PRKD3: variants seen among roughly 807,000 people sequenced by gnomAD.
PRKD3 encodes the protein protein kinase D3, also known as serine/threonine-protein kinase D3.
PRKD3 carries 47 observed loss-of-function variants against 99.2 expected under a neutral mutation model. The observed-to-expected ratio is 0.47, with a 90% CI of 0.38 to 0.60. The LOEUF (loss-of-function observed/expected upper bound fraction) is 0.60. Ranked by LOEUF, PRKD3 falls within the 20% of genes least tolerant of loss-of-function variation. PRKD3 has a pLI of 0.00. For synonymous variants in PRKD3, 392 were observed against 355.4 expected (o/e 1.10, Z -1.16); for missense variants, 1,019 against 1,088.4 (o/e 0.94, Z 0.90).
chr2:37,253,399 G>A lies in PRKD3; in HGVS notation c.2500-49C>T, dbSNP rs780200662. 5 of 1,494,794 alleles carry A rather than the reference G, an allele frequency of 3.3e-6. No individual in the cohort carries two copies. The East Asian group carries it at 6.9e-5, about 21-fold the overall frequency. 92.6% of individuals were successfully genotyped at this position (1,494,794 alleles called of 1,614,324 possible). On this transcript the variant is annotated intron_variant, in intron 18 of 18. Transcript: ENST00000234179. ...GATGAAACAAAAGAAACAAAATACTGTCAACCTGGTTTTTGTTTTGTGTTT... is the reference window on the plus strand; with the variant it reads ...GATGAAACAAAAGAAACAAAATACTATCAACCTGGTTTTTGTTTTGTGTTT...
intron 5 of PRKD3, among the ~76,000 whole-genome samples, chr2:37,288,251 G>A (rs757538130): frequency 1.3e-5 from 2 of 152,152 alleles, no homozygotes; most frequent in Non-Finnish European, 2.9e-5. Context: ...TGTATAAGAT[G>A]CACTAACTTT....
Position 37,279,905 on chromosome 2 carries a change from G to T in PRKD3, c.1013C>A (p.Thr338Lys), listed in dbSNP as rs757838387. Reference protein sequence around the residue: ...NGEPSSLGTDTDIPMDIDNND... With the variant: ...NGEPSSLGTDKDIPMDIDNND... The stretch of plus-strand genomic sequence containing the variant: ...ATTGTCAATATCCATTGGTATATCT[G>T]TATCTGTTCCCAGACTGGAAGGTTC... Residue 338 changes from threonine (T) to lysine (K), a missense_variant, in exon 8 of 19, where the codon ACA becomes AAA. Physicochemically the swap from Thr to Lys is moderately conservative, Grantham distance 78. This residue lies in a region of PRKD3 where 710 missense variants were observed against 692.7 expected (regional missense o/e 1.02). Transcript: ENST00000234179. The T allele has an allele frequency of 6.2e-7, 1 of 1,608,686 alleles. No homozygotes were observed. Among genetic ancestry groups the T allele is most frequent in the Non-Finnish European group, 8.5e-7 (1 of 1,177,804 alleles).
chr2:37,310,212 C>T (rs1218434421), intron 2 of PRKD3, among the ~76,000 whole-genome samples: 3 of 152,172 alleles, frequency 2.0e-5, no homozygotes, highest in African/African-American at 4.8e-5. Flanking sequence ...AATAAATCTT[C>T]AACAGAGAGG....
At chr2:37,294,927 T>C (rs1670607407) in intron 2 of PRKD3, among the ~76,000 whole-genome samples, 1 of 152,044 alleles carries the variant, frequency 6.6e-6, no homozygotes, top group South Asian at 2.1e-4. Flanking sequence ...ATACAAAAAT[T>C]AGCCAGGTGT....
At chr2:37,291,029 G>A (rs760532216) in intron 3 of PRKD3, 30 bp from the exon 4 acceptor site, 3 of 1,570,044 alleles carry the variant, frequency 1.9e-6, no homozygotes, top group Non-Finnish European at 2.6e-6. Flanking sequence ...TACAATACAC[G>A]TTGTATTTGT....
At chr2:37,320,497 T>C (rs1307914783) in intron 1 of PRKD3, among the ~76,000 whole-genome samples, 2 of 141,554 alleles carry the variant, frequency 1.4e-5, no homozygotes, top group African/African-American at 5.3e-5. Flanking sequence ...AGTGGCGCGA[T>C]CTTGACTGAT....
chr2:37,267,118 A>G (rs985507683), intron 14 of PRKD3, among the ~76,000 whole-genome samples: 2 of 152,254 alleles, frequency 1.3e-5, no homozygotes, highest in Admixed American at 6.5e-5. Context: ...AGTAATTGCT[A>G]TGACAAGCAT....
rs1375277522 is a variant in PRKD3 at position 37,324,799 on chromosome 2, C to G, written c.-774G>C. 1 of 150,728 alleles carries G rather than the reference C, an allele frequency of 6.6e-6. No homozygotes were observed. The highest frequency in any genetic ancestry group is 2.4e-5 in the African/African-American group (1 of 41,270). 9.3% of individuals were successfully genotyped at this position (150,728 alleles called of 1,614,324 possible). ...CCGCCCGCCTCCGGCGCCCCTTCCT[C>G]CCTCCCTCCCCGTCCCGTCCTGGGG... On this transcript the variant is annotated 5_prime_UTR_variant, in exon 1 of 19. Transcript: ENST00000234179.
chr2:37,274,803 G>T (rs1297957065), intron 10 of PRKD3, 106 bp from the exon 11 acceptor site: 11 of 1,101,038 alleles, frequency 1.0e-5, no homozygotes, highest in Non-Finnish European at 1.4e-5. Flanking sequence ...CCATTAAGAC[G>T]GACACAAGTA....
intron 2 of PRKD3, among the ~76,000 whole-genome samples, chr2:37,297,992 T>A (rs1178019461): frequency 6.6e-6 from 1 of 152,322 alleles, no homozygotes; most frequent in South Asian, 2.1e-4. Context: ...AGGTGGAGTA[T>A]CTACATAAAT....
At chr2:37,289,868 G>C (rs1377633542) in intron 4 of PRKD3, among the ~76,000 whole-genome samples, 1 of 152,216 alleles carries the variant, frequency 6.6e-6, no homozygotes, top group East Asian at 1.9e-4. Context: ...TACAGTTTGA[G>C]AACCACTGCC....
intron 11 of PRKD3, among the ~76,000 whole-genome samples, chr2:37,273,587 A>G (rs752895455): frequency 5.9e-5 from 9 of 152,220 alleles, no homozygotes; most frequent in Non-Finnish European, 1.3e-4. Context: ...TAATACCTTT[A>G]TATATCCCAT....
intron 11 of PRKD3, among the ~76,000 whole-genome samples, chr2:37,273,584 T>C (rs2216114): frequency 0.095 from 14,463 of 152,238 alleles, 1,092 homozygotes; most frequent in East Asian, 0.34. Context: ...ATCTAATACC[T>C]TTATATATCC....
chr2:37,312,357 C>G (rs1162633127), intron 2 of PRKD3, among the ~76,000 whole-genome samples: 1 of 152,002 alleles, frequency 6.6e-6, no homozygotes, highest in African/African-American at 2.4e-5. Flanking sequence ...AACTTATTTC[C>G]AATAGTAGGC....
chr2:37,278,029 T>A (rs1366755220), intron 8 of PRKD3, 40 bp from the exon 9 acceptor site: 13 of 1,537,848 alleles, frequency 8.5e-6, no homozygotes, highest in East Asian at 2.3e-5. Context: ...TGTAGATTTT[T>A]AAAAAATCAT....
intron 7 of PRKD3, among the ~76,000 whole-genome samples, chr2:37,280,904 T>G (rs114348688): frequency 1.3e-5 from 2 of 152,046 alleles, no homozygotes; most frequent in South Asian, 4.1e-4. Flanking sequence ...TTCTTACAGC[T>G]CAATGAAAAA....
At chr2:37,307,257 T>G (rs1164016726) in intron 2 of PRKD3, among the ~76,000 whole-genome samples, 1 of 152,132 alleles carries the variant, frequency 6.6e-6, no homozygotes, top group East Asian at 1.9e-4. Flanking sequence ...GCCAGTAAAA[T>G]AGTCCAAAGT....
intron 2 of PRKD3, among the ~76,000 whole-genome samples, chr2:37,299,813 A>C (rs768675472): frequency 4.7e-4 from 72 of 152,244 alleles, no homozygotes; most frequent in Admixed American, 8.5e-4. Flanking sequence ...TCATCAGAGA[A>C]ATGCAAATCA....
chr2:37,303,039 C>A (rs1236275991), intron 2 of PRKD3, among the ~76,000 whole-genome samples: 1 of 152,192 alleles, frequency 6.6e-6, no homozygotes, highest in Non-Finnish European at 1.5e-5. Context: ...GGCCCAACCC[C>A]TGTCCTGTGC....
Sources: gnomAD v4.1 joint callset for allele counts (sites outside exome capture counted in the v4.1 genomes callset) on GRCh38, gnomAD v4.1.1 for gene constraint, gnomAD v4.1.1 regional missense constraint, MANE v1.5 for transcripts, NCBI Gene and HGNC (gene_info 2026-07-23, HGNC 2026-07-21) for gene names.